Variants in ASTN2 observed in about 807,000 individuals in gnomAD.
ASTN2 encodes the protein astrotactin-2.
In ASTN2, 54 loss-of-function variants were observed where a neutral mutation model predicts 139.8. The observed-to-expected ratio is 0.39, with a 90% CI of 0.31 to 0.48. ASTN2 has a LOEUF of 0.48. Ranked by LOEUF, ASTN2 falls within the 20% of genes least tolerant of loss-of-function variation. The pLI is 0.95. For synonymous variants in ASTN2, 756 were observed against 719.5 expected (o/e 1.05, Z -0.81); for missense variants, 1,565 against 1,725.1 (o/e 0.91, Z 1.64).
intron 4 of ASTN2, among the ~76,000 whole-genome samples, chr9:117,105,259 G>C (rs991639628): frequency 6.6e-6 from 1 of 152,112 alleles, no homozygotes; most frequent in Non-Finnish European, 1.5e-5. Flanking sequence ...AAGCAATAAA[G>C]CTTTTGTCTG....
At chr9:116,747,985 G>C (rs1347819905) in intron 13 of ASTN2, among the ~76,000 whole-genome samples, 1 of 152,024 alleles carries the variant, frequency 6.6e-6, no homozygotes, top group African/African-American at 2.4e-5. Context: ...TTAGCACTGG[G>C]ATCCCTTGTC....
At chr9:116,553,991 T>C (rs1263391555) in intron 19 of ASTN2, among the ~76,000 whole-genome samples, 4 of 152,198 alleles carry the variant, frequency 2.6e-5, no homozygotes, top group Non-Finnish European at 5.9e-5. Flanking sequence ...TATGAATAAA[T>C]GAATAAATGA....
chr9:116,530,110 T>G (rs1217779521), intron 19 of ASTN2, among the ~76,000 whole-genome samples: 5 of 31,904 alleles, frequency 1.6e-4, no homozygotes, highest in Non-Finnish European at 3.0e-4. Flanking sequence ...TATATATATA[T>G]ATATATATAT....
Position 117,291,493 on chromosome 9 carries a change from C to T in ASTN2, c.463G>A (p.Asp155Asn). Residue 155 changes from aspartate (D) to asparagine (N), a missense_variant, in exon 2 of 23, where the codon GAC (aspartate) becomes AAC (asparagine). By Grantham distance (23) the Asp-to-Asn change is conservative (BLOSUM62 1). Transcript: ENST00000313400. ...TGTCTCCAGTGCACCAGCGAGATGT[C>T]CGCTGCTGTGCCAGACATCTCTGCA... ...FTLEMSGTAA[D>N]ISLVHWRQQW... The T allele has an allele frequency of 1.2e-6, 2 of 1,609,010 alleles. No homozygotes were observed. The highest frequency in any genetic ancestry group is 1.7e-6 in the Non-Finnish European group (2 of 1,177,486).
chr9:116,900,028 C>T (rs1833968491), intron 10 of ASTN2, among the ~76,000 whole-genome samples: 1 of 152,166 alleles, frequency 6.6e-6, no homozygotes, highest in Non-Finnish European at 1.5e-5. Flanking sequence ...TTCCCTAGGC[C>T]CCTGCTCGTC....
intron 1 of ASTN2, among the ~76,000 whole-genome samples, chr9:117,292,179 G>A (rs1319349400): frequency 2.0e-5 from 3 of 152,278 alleles, no homozygotes; most frequent in Admixed American, 6.5e-5. Context: ...CCATCCCAAC[G>A]TTCTCATATA....
intron 12 of ASTN2, among the ~76,000 whole-genome samples, chr9:116,813,298 A>C (rs1365238074): frequency 1.3e-5 from 2 of 152,224 alleles, no homozygotes; most frequent in East Asian, 3.9e-4. Flanking sequence ...GATTTTAGAG[A>C]GTGCACCATA....
intron 1 of ASTN2, among the ~76,000 whole-genome samples, chr9:117,346,832 T>C (rs1442884545): frequency 6.6e-6 from 1 of 152,194 alleles, no homozygotes; most frequent in Non-Finnish European, 1.5e-5. Flanking sequence ...TTCATTTCTC[T>C]GAACTTAATT....
chr9:117,038,344 A>G (rs1249392122), intron 6 of ASTN2, among the ~76,000 whole-genome samples: 2 of 152,222 alleles, frequency 1.3e-5, no homozygotes, highest in Non-Finnish European at 2.9e-5. Context: ...TGGTACTAAT[A>G]TGGTGCTACA....
chr9:117,033,049 C>T (rs1838289642), intron 6 of ASTN2, among the ~76,000 whole-genome samples: 1 of 152,170 alleles, frequency 6.6e-6, no homozygotes, highest in Non-Finnish European at 1.5e-5. Flanking sequence ...ATTCAAGAGA[C>T]ACAGACATCC....
chr9:117,241,226 T>C (rs909384649), intron 2 of ASTN2, among the ~76,000 whole-genome samples: 3 of 152,228 alleles, frequency 2.0e-5, no homozygotes, highest in Non-Finnish European at 4.4e-5. Context: ...TCATGAGTTC[T>C]TTCTAATGGA....
chr9:116,947,606 A>G (rs1306839320), intron 10 of ASTN2, among the ~76,000 whole-genome samples: 1 of 152,232 alleles, frequency 6.6e-6, no homozygotes, highest in African/African-American at 2.4e-5. Flanking sequence ...GCAGACACAC[A>G]GACTCATTCT....
chr9:116,719,938 G>A (rs933048375), intron 16 of ASTN2, among the ~76,000 whole-genome samples: 1 of 152,150 alleles, frequency 6.6e-6, no homozygotes, highest in African/African-American at 2.4e-5. Context: ...TTGAATCACT[G>A]AGGAAGTAAA....
intron 19 of ASTN2, among the ~76,000 whole-genome samples, chr9:116,503,803 C>T (rs1241372437): frequency 2.0e-5 from 3 of 152,166 alleles, no homozygotes; most frequent in African/African-American, 7.2e-5. Flanking sequence ...AAAGCACGCT[C>T]TTTCCTCATT....
At chr9:116,726,927 C>T (rs1431975882) in intron 15 of ASTN2, among the ~76,000 whole-genome samples, 1 of 152,046 alleles carries the variant, frequency 6.6e-6, no homozygotes, top group Non-Finnish European at 1.5e-5. Flanking sequence ...TAAGTTTTAG[C>T]TCCAGCCAAA....
chr9:117,264,088 C>G (rs1207437642), intron 2 of ASTN2, among the ~76,000 whole-genome samples: 1 of 151,948 alleles, frequency 6.6e-6, no homozygotes, highest in Non-Finnish European at 1.5e-5. Context: ...AAAAAGAAAT[C>G]TAAATTGAAA....
Position 116,535,168 on chromosome 9 carries a change from A to C in ASTN2, c.3356-47668T>G, listed in dbSNP as rs142863540. Among the ~76,000 whole-genome samples, 780 of 152,226 alleles carry C rather than the reference A, an allele frequency of 5.1e-3. 10 individuals are homozygous for C. The highest frequency in any genetic ancestry group is 0.018 in the African/African-American group (742 of 41,514). On this transcript the variant is annotated intron_variant, in intron 19 of 22. Coordinates refer to ENST00000313400, the MANE Select transcript of ASTN2 (RefSeq NM_001365068.1). ...ATTGGTTTAAAGTCTGTTTTATCAGAGTCTAGGATTGCAACCTCTGCCTTT... is the reference window on the plus strand; with the variant it reads ...ATTGGTTTAAAGTCTGTTTTATCAGCGTCTAGGATTGCAACCTCTGCCTTT...
At chr9:116,756,953 C>T (rs1050994585) in intron 13 of ASTN2, among the ~76,000 whole-genome samples, 3 of 152,174 alleles carry the variant, frequency 2.0e-5, no homozygotes, top group African/African-American at 7.2e-5. Context: ...TATTATGCCA[C>T]ACTGTGTCTC....
intron 1 of ASTN2, among the ~76,000 whole-genome samples, chr9:117,369,407 C>T (rs1164667700): frequency 6.6e-6 from 1 of 152,044 alleles, no homozygotes; most frequent in East Asian, 1.9e-4. Context: ...CACAGTATCT[C>T]TACTCTTTAC....
Sources: gnomAD v4.1 joint callset for allele counts (sites outside exome capture counted in the v4.1 genomes callset) on GRCh38, gnomAD v4.1.1 for gene constraint, MANE v1.5 for transcripts, NCBI Gene and HGNC (gene_info 2026-07-23, HGNC 2026-07-21) for gene names.